Variants in AGAP1 observed in about 807,000 individuals in gnomAD.
AGAP1 encodes ArfGAP with GTPase domain, ankyrin repeat and PH domain 1, also known as arf-GAP with GTPase, ANK repeat and PH domain-containing protein 1.
In AGAP1, 29 loss-of-function variants were observed where a neutral mutation model predicts 105.3. The observed-to-expected ratio is 0.28, with a 90% CI of 0.21 to 0.38. The LOEUF is 0.38. Ranked by LOEUF, AGAP1 falls within the 10% of genes least tolerant of loss-of-function variation. The pLI, the probability that AGAP1 is intolerant of heterozygous loss-of-function variation, is 1.00. For missense variants in AGAP1, 998 were observed against 1,165.1 expected (o/e 0.86, Z 2.09); for synonymous variants, 509 against 485.9 (o/e 1.05, Z -0.63).
At chr2:235,940,145 C>T (rs543904866) in intron 12 of AGAP1, among the ~76,000 whole-genome samples, 43 of 152,284 alleles carry the variant, frequency 2.8e-4, no homozygotes, top group Non-Finnish European at 5.4e-4. Flanking sequence ...CCCTCGGCCT[C>T]ACCTCACAGT....
intron 2 of AGAP1, among the ~76,000 whole-genome samples, chr2:235,710,405 C>G (rs562704412): frequency 4.9e-4 from 74 of 152,360 alleles, no homozygotes; most frequent in African/African-American, 1.7e-3. Context: ...CCTGTGGTCA[C>G]TGTGCCGTCT....
intron 16 of AGAP1, among the ~76,000 whole-genome samples, chr2:236,052,500 G>A (rs992029614): frequency 2.0e-5 from 3 of 152,128 alleles, no homozygotes; most frequent in Admixed American, 6.5e-5. Context: ...AGCTTCGGAC[G>A]GCTTATAATT....
Position 235,945,312 on chromosome 2 carries a change from G to A in AGAP1, c.1483+14389G>A, listed in dbSNP as rs180948018. On this transcript the variant is annotated intron_variant, in intron 12 of 17. Coordinates refer to ENST00000304032, the MANE Select transcript of AGAP1 (RefSeq NM_001037131.3). ...AGTTGGGGGGGGGTTCACCGTGTTA[G>A]CCAGGATGGTCTCGATCTCCTGACC... 3.3e-5 allele frequency among the ~76,000 whole-genome samples: 5 copies of A among 152,190 alleles called. No homozygotes were observed. In the East Asian group the frequency reaches 5.8e-4, roughly 18 times the overall value.
rs1269555991 is a variant in AGAP1, at chr2:235,620,613, A to AG, written c.164-88565dup. Among the ~76,000 whole-genome samples, 1 of 152,104 alleles carries AG rather than the reference A, an allele frequency of 6.6e-6. No homozygotes were observed. Among genetic ancestry groups the AG allele is most frequent in the Non-Finnish European group, 1.5e-5 (1 of 68,008 alleles). On this transcript the variant is annotated intron_variant, in intron 1 of 17. Transcript: ENST00000304032. The surrounding 1 kb of genome is among the most constrained non-coding windows in gnomAD (Gnocchi z 4.5). Reference sequence around the variant, plus strand: ...GGCACCTGGCCTTCCTCCCAGCCACAGCCCCTCCTCCTCACCTCCTCACCT... The same window carrying AG: ...GGCACCTGGCCTTCCTCCCAGCCACAGGCCCCTCCTCCTCACCTCCTCACCT...
At position 235,973,011 on chromosome 2, in the gene AGAP1, G is replaced by T. The variant is rs2054716921; in HGVS notation, c.1645+4388G>T. Among the ~76,000 whole-genome samples, 1 of 152,194 alleles carries T rather than the reference G, an allele frequency of 6.6e-6. No homozygotes were observed. Among genetic ancestry groups the T allele is most frequent in the African/African-American group, 2.4e-5 (1 of 41,456 alleles). On this transcript the variant is annotated intron_variant, in intron 13 of 17. Coordinates refer to ENST00000304032, the MANE Select transcript of AGAP1 (RefSeq NM_001037131.3). This position sits in a 1 kb window ranked among gnomAD's most constrained non-coding sequence, Gnocchi z 4.7. The stretch of plus-strand genomic sequence containing the variant: ...CCTAGACTCCCAGCTAAGCACAGAG[G>T]TTCTCACTCTGGCCGTTTCTTACCT...
intron 1 of AGAP1, among the ~76,000 whole-genome samples, chr2:235,496,972 G>T (rs1198652323): frequency 1.3e-5 from 2 of 152,316 alleles, no homozygotes; most frequent in African/African-American, 4.8e-5. Flanking sequence ...TGGAGCTGTA[G>T]TTAATTTAGT....
chr2:235,839,442 A>C (rs1183839566), intron 9 of AGAP1, among the ~76,000 whole-genome samples: 2 of 152,232 alleles, frequency 1.3e-5, no homozygotes, highest in African/African-American at 4.8e-5. Flanking sequence ...AATCACCTGG[A>C]GAGCTTAAAA....
Position 236,050,490 on chromosome 2 carries a change from A to G in AGAP1, c.2114+1209A>G, listed in dbSNP as rs1434016545. ...GGGGTAAGTTTCTTACAAACCGAAG[A>G]AATTATGCACTTTAAAAAGTATTTA... On this transcript the variant is annotated intron_variant, in intron 16 of 17. Coordinates refer to ENST00000304032, the MANE Select transcript of AGAP1 (RefSeq NM_001037131.3). The surrounding 1 kb of genome is among the most constrained non-coding windows in gnomAD (Gnocchi z 4.0). Among the ~76,000 whole-genome samples the G allele has an allele frequency of 6.6e-6, 1 of 152,222 alleles. No individual in the cohort carries two copies. The highest frequency in any genetic ancestry group is 1.5e-5 in the Non-Finnish European group (1 of 68,038).
intron 9 of AGAP1, chr2:235,852,871 G>C (rs2048534627): frequency 7.2e-7 from 1 of 1,393,966 alleles, no homozygotes; most frequent in African/African-American, 1.4e-5. Flanking sequence ...AGTTAACATA[G>C]AGGTGAACTC....
chr2:235,548,680 G>A (rs1286431417), intron 1 of AGAP1, among the ~76,000 whole-genome samples: 2 of 150,316 alleles, frequency 1.3e-5, no homozygotes, highest in African/African-American at 4.9e-5. Flanking sequence ...ATGCCACGAT[G>A]TATGAAGACC....
At position 235,599,023 on chromosome 2, in the gene AGAP1, C is replaced by T. The variant is rs1352510744; in HGVS notation, c.163+104174C>T. On this transcript the variant is annotated intron_variant, in intron 1 of 17. Transcript: ENST00000304032. The surrounding 1 kb of genome is among the most constrained non-coding windows in gnomAD (Gnocchi z 5.3). ...ACATTTGCGTCTGTGGTGGTGTACA[C>T]AGATGAGCTCACTGCTGTCCTCGGA... is the stretch of plus-strand genomic sequence containing the variant. Among the ~76,000 whole-genome samples, 1 of 152,162 alleles carries T rather than the reference C, an allele frequency of 6.6e-6. No individual in the cohort carries two copies. Among genetic ancestry groups the T allele is most frequent in the Non-Finnish European group, 1.5e-5 (1 of 68,042 alleles).
intron 9 of AGAP1, among the ~76,000 whole-genome samples, chr2:235,848,380 G>A (rs1961760368): frequency 6.6e-6 from 1 of 152,212 alleles, no homozygotes; most frequent in Admixed American, 6.5e-5. Flanking sequence ...AAATGAATAA[G>A]GAACAAGGTC....
At chr2:235,589,207 T>TG (rs1280883161) in intron 1 of AGAP1, among the ~76,000 whole-genome samples, 2,765 of 115,112 alleles carry the variant, frequency 0.024, 62 homozygotes, top group Non-Finnish European at 0.036. Flanking sequence ...TTTTTTTTTT[T>TG]TTTTTTTTTT....
rs551367905 is a variant in AGAP1 at position 235,721,300 on chromosome 2, G to A, written c.310+3656G>A. On this transcript the variant is annotated intron_variant, in intron 3 of 17. Transcript: ENST00000304032. This position sits in a 1 kb window ranked among gnomAD's most constrained non-coding sequence, Gnocchi z 4.5. ...TGGGATTACAGGCATGAGCCACCAC[G>A]TCCAGCCAAGACTTAGATAATTTTA... Among the ~76,000 whole-genome samples, 3 of 152,204 alleles carry A rather than the reference G, an allele frequency of 2.0e-5. No homozygotes were observed. Among genetic ancestry groups the A allele is most frequent in the Non-Finnish European group, 2.9e-5 (2 of 68,038 alleles).
chr2:235,927,285 C>T lies in AGAP1; in HGVS notation c.1325-3480C>T, dbSNP rs1156535329. Among the ~76,000 whole-genome samples, 2 of 152,156 alleles carry T rather than the reference C, an allele frequency of 1.3e-5. No individual in the cohort carries two copies. Among genetic ancestry groups the T allele is most frequent in the South Asian group, 2.1e-4 (1 of 4,826 alleles). On this transcript the variant is annotated intron_variant, in intron 11 of 17. Transcript: ENST00000304032. This position sits in a 1 kb window ranked among gnomAD's most constrained non-coding sequence, Gnocchi z 4.4. ...CATGTGGTCTTGCCAGGAGGTTCGTCACCCCAGAGGTTCCAGGTTGGTTCC... is the reference window on the plus strand; with the variant it reads ...CATGTGGTCTTGCCAGGAGGTTCGTTACCCCAGAGGTTCCAGGTTGGTTCC...
intron 16 of AGAP1, among the ~76,000 whole-genome samples, chr2:236,079,370 TAA>T (rs3030747): frequency 0.39 from 49,117 of 127,314 alleles, 10,697 homozygotes; most frequent in African/African-American, 0.63. Flanking sequence ...AAAGAAAATT[TAA>T]AAAAAAAAAA....
intron 11 of AGAP1, among the ~76,000 whole-genome samples, chr2:235,912,247 A>G (rs1374880892): frequency 6.6e-6 from 1 of 152,202 alleles, no homozygotes; most frequent in African/African-American, 2.4e-5. Context: ...TTGAGTTTTT[A>G]TACTCTTTGA....
rs1950711612 is a variant in AGAP1, at chr2:235,709,333, C to T, written c.222+96C>T. 2.2e-6 allele frequency: 3 copies of T among 1,377,018 alleles called. No homozygotes were observed. In the Admixed American group the frequency reaches 5.0e-5, roughly 23 times the overall value. 85.3% of individuals were successfully genotyped at this position (1,377,018 alleles called of 1,614,324 possible). A position where few individuals can be genotyped will look rare whatever the true frequency, so the allele number is the denominator to read the frequency against. On this transcript the variant is annotated intron_variant, in intron 2 of 17. Transcript: ENST00000304032. ...CCAGGCAACTGGTCATCGCCTGGGG[C>T]CCAGAGTGGAAGTGTGACTCTGGGT... is the stretch of plus-strand genomic sequence containing the variant.
chr2:235,774,008 A>G (rs1472076430), intron 6 of AGAP1: 1 of 467,750 alleles, frequency 2.1e-6, no homozygotes, highest in African/African-American at 2.0e-5. Context: ...AAAATAAAAC[A>G]GGACCAAGAG....
Sources: gnomAD v4.1 joint callset for allele counts (sites outside exome capture counted in the v4.1 genomes callset) on GRCh38, gnomAD v4.1.1 for gene constraint, Gnocchi (gnomAD v3.1) non-coding constraint, MANE v1.5 for transcripts, NCBI Gene and HGNC (gene_info 2026-07-23, HGNC 2026-07-21) for gene names.